The following STARD10 variants were observed in gnomAD, a reference collection of about 807,000 sequenced individuals.
The protein encoded by STARD10 is START domain-containing protein 10.
A neutral mutation model predicts 36.0 loss-of-function variants in STARD10; 24 were observed. That is an observed-to-expected ratio of 0.67 (90% CI 0.48 to 0.94). The LOEUF (loss-of-function observed/expected upper bound fraction) is 0.94, where lower values mean the gene tolerates loss of function less well. Ranked by LOEUF, STARD10 falls within the 40% of genes least tolerant of loss-of-function variation. The pLI, the probability that STARD10 is intolerant of heterozygous loss-of-function variation, is 0.00. For synonymous variants in STARD10, 156 were observed against 161.9 expected, an observed-to-expected ratio of 0.96 and a Z score of 0.28; for missense variants, 335 against 396.6, an observed-to-expected ratio of 0.84 and a Z score of 1.32.
rs1332687899 is a variant in STARD10, at chr11:72,754,946, A to G, written c.827T>C (p.Met276Thr). ...GCTGCCCTCGCCGCCCGCGCCGCCC[A>G]TCCGCTCCTCTCTGCTCTCGGCCAC... Reference protein sequence around the residue: ...SAVAESREERMGGAGGEGSDD... With the variant: ...SAVAESREERTGGAGGEGSDD... The change falls in exon 7 of 7, where the codon ATG becomes ACG. Residue 276 changes from methionine to threonine, a missense_variant. Physicochemically the swap from Met to Thr is moderately conservative, Grantham distance 81. Transcript: ENST00000334805. 4 of 1,606,756 alleles carry G rather than the reference A, an allele frequency of 2.5e-6. No homozygotes were observed. Among genetic ancestry groups the G allele is most frequent in the Non-Finnish European group, 2.5e-6 (3 of 1,178,866 alleles).
chr11:72,778,304 C>G (rs533523151), intron 2 of STARD10, among the ~76,000 whole-genome samples: 1 of 152,308 alleles, frequency 6.6e-6, no homozygotes, highest in Non-Finnish European at 1.5e-5. Flanking sequence ...GCCTCAGTTT[C>G]TTTGTTTGTA....
intron 1 of STARD10, among the ~76,000 whole-genome samples, chr11:72,787,411 T>G (rs186309812): frequency 4.1e-3 from 624 of 152,160 alleles, no homozygotes; most frequent in African/African-American, 0.015. Context: ...GACTTCAGAG[T>G]TGACAGAATC....
intron 4 of STARD10, among the ~76,000 whole-genome samples, 155 bp downstream of exon 4, chr11:72,758,375 A>G (rs1348844636): frequency 6.6e-6 from 1 of 152,198 alleles, no homozygotes; most frequent in Admixed American, 6.5e-5. Context: ...CCCAGCAGGG[A>G]GAGAGGAGCC....
At chr11:72,756,367 C>T (rs1858644304) in intron 5 of STARD10, among the ~76,000 whole-genome samples, 1 of 152,136 alleles carries the variant, frequency 6.6e-6, no homozygotes, top group Non-Finnish European at 1.5e-5. Context: ...AAGGCTTCCC[C>T]ATCCTCTAGT....
At chr11:72,789,371 G>A (rs188754515) in intron 1 of STARD10, among the ~76,000 whole-genome samples, 62 of 152,306 alleles carry the variant, frequency 4.1e-4, no homozygotes, top group Middle Eastern at 3.4e-3. Flanking sequence ...TCCTCAGTCT[G>A]GAGGCAATGA....
At chr11:72,788,488 G>A (rs539350956) in intron 1 of STARD10, among the ~76,000 whole-genome samples, 24 of 152,298 alleles carry the variant, frequency 1.6e-4, no homozygotes, top group Non-Finnish European at 3.1e-4. Flanking sequence ...GTGAGGCAGT[G>A]CCTTGGGTGT....
chr11:72,781,095 G>A lies in STARD10; in HGVS notation c.87C>T (p.Asp29=), dbSNP rs1434995347. The change falls in exon 2 of 7, where the codon GAC becomes GAT. Residue 29 remains aspartate, a synonymous_variant. Transcript: ENST00000334805. The surrounding 1 kb of genome is among the most constrained non-coding windows in gnomAD (Gnocchi z 4.7). The part of the protein sequence containing the change: ...RESVQVPDDQ[D]FRSFRSECEA... The stretch of plus-strand genomic sequence containing the variant: ...CACACTCTGACCGGAAGCTGCGAAA[G>A]TCTTGGTCATCGGGCACCTGGACAC... 3.1e-6 allele frequency: 5 copies of A among 1,614,038 alleles called. No homozygotes were observed. In the South Asian group the frequency reaches 5.5e-5, roughly 18 times the overall value.
intron 2 of STARD10, among the ~76,000 whole-genome samples, chr11:72,776,147 T>G (rs996468476): frequency 2.0e-5 from 3 of 152,216 alleles, no homozygotes; most frequent in Non-Finnish European, 4.4e-5. Context: ...CCCTGGATTC[T>G]GGATCCCCTT....
chr11:72,767,988 T>C (rs1185912031), intron 2 of STARD10, among the ~76,000 whole-genome samples: 1 of 151,740 alleles, frequency 6.6e-6, no homozygotes, highest in Non-Finnish European at 1.5e-5. Context: ...GGGGAACACC[T>C]CCCACTAACC....
At chr11:72,761,554 C>T (rs569673762) in intron 2 of STARD10, among the ~76,000 whole-genome samples, 6 of 152,136 alleles carry the variant, frequency 3.9e-5, no homozygotes, top group East Asian at 3.9e-4. Flanking sequence ...GTCAGGAGTT[C>T]GAGACCAGCC....
At chr11:72,759,711 T>C (rs1034783356) in intron 2 of STARD10, among the ~76,000 whole-genome samples, 6 of 152,124 alleles carry the variant, frequency 3.9e-5, no homozygotes, top group African/African-American at 1.4e-4. Flanking sequence ...CCCTGTGAGC[T>C]CCTCGTGGGC....
At chr11:72,755,306 C>CTTTTTTTTTTTTTGTTTTT in intron 6 of STARD10, 164 bp from the exon 7 acceptor site, 1 of 306,634 alleles carries the variant, frequency 3.3e-6, no homozygotes, top group Non-Finnish European at 5.6e-6. Context: ...ATTCTCCATT[C>CTTTTTTTTTTTTTGTTTTT]TTTTTTTTTT....
rs1426857839 is a variant in STARD10 at position 72,780,415 on chromosome 11, G to T, written c.207+560C>A. 8.9e-6 allele frequency: 4 copies of T among 451,916 alleles called. No homozygotes were observed. The East Asian group carries it at 2.8e-4, about 32-fold the overall frequency. 28.0% of individuals were successfully genotyped at this position (451,916 alleles called of 1,614,324 possible). A position where few individuals can be genotyped will look rare whatever the true frequency, so the allele number is the denominator to read the frequency against. On this transcript the variant is annotated intron_variant, in intron 2 of 6. Coordinates refer to ENST00000334805, the MANE Select transcript of STARD10 (RefSeq NM_006645.3). ...AGGGGTATTGGAGCCCTGCCTTCAG[G>T]ATCTGCCAGCCACAATCCTGAGTCC...
intron 4 of STARD10, 183 bp from the exon 5 acceptor site, chr11:72,758,067 G>A (rs1333016278): frequency 1.6e-6 from 1 of 624,290 alleles, no homozygotes; most frequent in African/African-American, 1.8e-5. Context: ...GGTCATCCTA[G>A]CCCCTCTTGA....
chr11:72,786,749 C>T (rs1467147065), intron 1 of STARD10, among the ~76,000 whole-genome samples: 3 of 152,312 alleles, frequency 2.0e-5, no homozygotes, highest in Middle Eastern at 3.4e-3. Context: ...CCACACATGG[C>T]ACCAAAGTGG....
At chr11:72,755,920 T>C in intron 5 of STARD10, 167 bp from the exon 6 acceptor site, 1 of 594,360 alleles carries the variant, frequency 1.7e-6, no homozygotes, top group Non-Finnish European at 2.9e-6. Flanking sequence ...CCCTTCCACC[T>C]CAGACCGAAG....
intron 2 of STARD10, among the ~76,000 whole-genome samples, chr11:72,767,269 G>T (rs1249155514): frequency 2.0e-5 from 3 of 152,124 alleles, no homozygotes; most frequent in Non-Finnish European, 2.9e-5. Flanking sequence ...GGGGCACCTG[G>T]ACCATGGACC....
At chr11:72,755,202 C>A in intron 6 of STARD10, 60 bp from the exon 7 acceptor site, 1 of 1,523,654 alleles carries the variant, frequency 6.6e-7, no homozygotes, top group Middle Eastern at 1.9e-4. Context: ...TTCTCCACAC[C>A]CCCCTCCAGC....
chr11:72,761,754 C>CA lies in STARD10; in HGVS notation c.208-2374dup, dbSNP rs796841931. On this transcript the variant is annotated intron_variant, in intron 2 of 6. Transcript: ENST00000334805. ...GCAAGACTCCATCTTAAAAAACAAA[C>CA]AAAAAAAAAGCAGCATAACCTCAAT... is the stretch of plus-strand genomic sequence containing the variant. Among the ~76,000 whole-genome samples, 87 of 147,710 alleles carry CA rather than the reference C, an allele frequency of 5.9e-4. 2 individuals are homozygous for CA. Among genetic ancestry groups the CA allele is most frequent in the Admixed American group, 2.8e-3 (42 of 14,850 alleles).
Sources: allele counts gnomAD v4.1 joint callset (sites outside exome capture counted in the v4.1 genomes callset), GRCh38; gene constraint gnomAD v4.1.1; non-coding constraint Gnocchi (gnomAD v3.1); transcripts MANE v1.5; gene names NCBI Gene and HGNC (gene_info 2026-07-23, HGNC 2026-07-21).